Variants in DIAPH3 observed in about 807,000 individuals in gnomAD.
The protein encoded by DIAPH3 is diaphanous related formin 3.
A neutral mutation model predicts 144.3 loss-of-function variants in DIAPH3; 117 were observed. That is an observed-to-expected ratio of 0.81 (90% CI 0.70 to 0.95). The LOEUF (loss-of-function observed/expected upper bound fraction) is 0.95. Among genes scored for constraint, DIAPH3 ranks in the 40% least tolerant of loss-of-function variants. The pLI, the probability that DIAPH3 is intolerant of heterozygous loss-of-function variation, is 0.00. For missense variants in DIAPH3, 1,421 were observed against 1,412.7 expected, an observed-to-expected ratio of 1.01 and a Z score of -0.09; for synonymous variants, 519 against 488.9, an observed-to-expected ratio of 1.06 and a Z score of -0.81.
chr13:59,934,733 G>A (rs903074631), intron 17 of DIAPH3, among the ~76,000 whole-genome samples: 2 of 152,110 alleles, frequency 1.3e-5, no homozygotes, highest in African/African-American at 4.8e-5. Context: ...GCTGAAGGTG[G>A]CACAAGGCTT....
chr13:59,811,503 C>T (rs774573208), intron 24 of DIAPH3, among the ~76,000 whole-genome samples: 1 of 151,986 alleles, frequency 6.6e-6, no homozygotes, highest in Non-Finnish European at 1.5e-5. Context: ...CTTTGGGAGG[C>T]CGAGGTGGGC....
At chr13:59,881,238 C>A (rs1284314263) in intron 20 of DIAPH3, among the ~76,000 whole-genome samples, 2 of 151,890 alleles carry the variant, frequency 1.3e-5, no homozygotes, top group Non-Finnish European at 2.9e-5. Context: ...TCATATGACA[C>A]TGGTAACATG....
At chr13:59,763,688 A>T (rs1467759085) in intron 27 of DIAPH3, among the ~76,000 whole-genome samples, 1 of 152,046 alleles carries the variant, frequency 6.6e-6, no homozygotes, top group Non-Finnish European at 1.5e-5. Flanking sequence ...TGTCACAAAA[A>T]AAAAATTGTC....
At chr13:59,690,643 G>A (rs900735432) in intron 27 of DIAPH3, among the ~76,000 whole-genome samples, 2 of 152,146 alleles carry the variant, frequency 1.3e-5, no homozygotes. Context: ...CTTTCTATGG[G>A]AAATTGCTTT....
intron 22 of DIAPH3, among the ~76,000 whole-genome samples, chr13:59,848,251 T>C (rs921210331): frequency 4.0e-5 from 6 of 151,032 alleles, no homozygotes; most frequent in African/African-American, 1.5e-4. Context: ...GTCACTCTTT[T>C]GCTCAAAACC....
intron 23 of DIAPH3, among the ~76,000 whole-genome samples, chr13:59,836,110 T>G (rs988079431): frequency 6.6e-6 from 1 of 151,852 alleles, no homozygotes; most frequent in East Asian, 1.9e-4. Flanking sequence ...TAAGTTTTTC[T>G]GAAAGACTCA....
At chr13:59,823,195 G>A (rs908721803) in intron 24 of DIAPH3, among the ~76,000 whole-genome samples, 10 of 152,064 alleles carry the variant, frequency 6.6e-5, no homozygotes, top group Admixed American at 2.0e-4. Context: ...TGCATAGTAC[G>A]AATAAATCTT....
rs910254199 is a variant in DIAPH3, at chr13:60,163,470, G to C, written c.180+117C>G. 30 of 1,287,618 alleles carry C rather than the reference G, an allele frequency of 2.3e-5. No individual in the cohort carries two copies. In the African/African-American group the frequency reaches 3.6e-4, roughly 15 times the overall value. 79.8% of individuals were successfully genotyped at this position (1,287,618 alleles called of 1,614,324 possible). A position where few individuals can be genotyped will look rare whatever the true frequency, so the allele number is the denominator to read the frequency against. On this transcript the variant is annotated intron_variant, in intron 1 of 27. Coordinates refer to ENST00000400324, the MANE Select transcript of DIAPH3 (RefSeq NM_001042517.2). ...CGGTCGTTGTCAATCTATGATCTTT[G>C]GCACCTCTGGATCTCTAGAATAAAA...
intron 21 of DIAPH3, among the ~76,000 whole-genome samples, chr13:59,873,677 C>CTTTTTT (rs57461813): frequency 4.7e-5 from 6 of 128,892 alleles, no homozygotes; most frequent in African/African-American, 8.8e-5. Flanking sequence ...ACCACTTTTT[C>CTTTTTT]TTTTTTTTTT....
intron 17 of DIAPH3, among the ~76,000 whole-genome samples, chr13:59,958,341 T>C (rs1196574367): frequency 1.3e-5 from 2 of 152,116 alleles, no homozygotes; most frequent in Non-Finnish European, 2.9e-5. Flanking sequence ...CAAGTAAAAA[T>C]ATGTTGTGAA....
intron 13 of DIAPH3, among the ~76,000 whole-genome samples, 160 bp from the exon 14 acceptor site, chr13:59,981,019 G>A (rs994145471): frequency 5.3e-5 from 8 of 151,102 alleles, no homozygotes; most frequent in Non-Finnish European, 1.0e-4. Flanking sequence ...AATGAAAAAG[G>A]CTTTTCTAAG....
chr13:60,120,873 G>C (rs1468216881), intron 2 of DIAPH3, among the ~76,000 whole-genome samples: 2 of 152,152 alleles, frequency 1.3e-5, no homozygotes, highest in African/African-American at 2.4e-5. Context: ...CCAAATTTTT[G>C]ATGCAAGAAA....
intron 17 of DIAPH3, among the ~76,000 whole-genome samples, chr13:59,939,038 A>G (rs2048393202): frequency 6.6e-6 from 1 of 152,138 alleles, no homozygotes; most frequent in African/African-American, 2.4e-5. Flanking sequence ...TTTTAATTTG[A>G]CCTCTTGATT....
intron 22 of DIAPH3, among the ~76,000 whole-genome samples, chr13:59,853,146 A>G (rs1416010572): frequency 6.6e-6 from 1 of 152,208 alleles, no homozygotes; most frequent in Admixed American, 6.5e-5. Context: ...TTTCAACTCC[A>G]GGTGAACCAG....
intron 5 of DIAPH3, among the ~76,000 whole-genome samples, chr13:60,016,606 T>G (rs1032999434): frequency 1.3e-5 from 2 of 152,092 alleles, no homozygotes; most frequent in Admixed American, 6.5e-5. Flanking sequence ...GGAGGAAAGA[T>G]GTAGATCAAC....
At chr13:59,864,003 A>G (rs552638261) in intron 21 of DIAPH3, among the ~76,000 whole-genome samples, 10 of 152,290 alleles carry the variant, frequency 6.6e-5, no homozygotes, top group Middle Eastern at 3.4e-3. Flanking sequence ...TGTTAAGTAT[A>G]CATTATAGTG....
At chr13:60,141,843 G>A (rs2059430199) in intron 1 of DIAPH3, among the ~76,000 whole-genome samples, 1 of 152,232 alleles carries the variant, frequency 6.6e-6, no homozygotes, top group Non-Finnish European at 1.5e-5. Context: ...AGCCAAGAGG[G>A]TTTGCAGGTT....
chr13:59,952,925 C>T (rs921726086), intron 17 of DIAPH3, among the ~76,000 whole-genome samples: 1 of 152,058 alleles, frequency 6.6e-6, no homozygotes, highest in African/African-American at 2.4e-5. Context: ...GTAAATGAAA[C>T]AAAGAGCTCT....
chr13:59,691,790 A>C (rs936248470), intron 27 of DIAPH3, among the ~76,000 whole-genome samples: 2 of 152,154 alleles, frequency 1.3e-5, no homozygotes, highest in Admixed American at 1.3e-4. Flanking sequence ...TACATAATCC[A>C]TTTGCAGAGG....
Sources: allele counts gnomAD v4.1 joint callset (sites outside exome capture counted in the v4.1 genomes callset), GRCh38; gene constraint gnomAD v4.1.1; transcripts MANE v1.5; gene names NCBI Gene and HGNC (gene_info 2026-07-23, HGNC 2026-07-21).